Variants in IRAG1 observed in about 807,000 individuals in gnomAD.
IRAG1 encodes the protein inositol 1,4,5-triphosphate receptor associated 1, also known as IP3R-associated cGMP kinase substrate.
A neutral mutation model predicts 106.2 loss-of-function variants in IRAG1; 62 were observed. The observed-to-expected ratio is 0.58, with a 90% CI of 0.48 to 0.72. IRAG1 has a LOEUF of 0.72. IRAG1 is among the 30% of genes least tolerant of loss of function. IRAG1 has a pLI of 0.00. For missense variants in IRAG1, 1,064 were observed against 1,140.7 expected (o/e 0.93, Z 0.97); for synonymous variants, 462 against 443.9 (o/e 1.04, Z -0.51).
At chr11:10,609,551 C>A (rs1854767874) in intron 11 of IRAG1, among the ~76,000 whole-genome samples, 177 bp downstream of exon 11, 1 of 152,180 alleles carries the variant, frequency 6.6e-6, no homozygotes, top group African/African-American at 2.4e-5. Flanking sequence ...GTTGAAAACA[C>A]CCAGCCTGGC....
At chr11:10,606,290 A>ACAC (rs1368400291) in intron 12 of IRAG1, among the ~76,000 whole-genome samples, 1 of 152,218 alleles carries the variant, frequency 6.6e-6, no homozygotes, top group African/African-American at 2.4e-5. Flanking sequence ...GATTGCTGAC[A>ACAC]GCACAGCTTC....
At chr11:10,650,765 A>T (rs1858417287) in intron 2 of IRAG1, among the ~76,000 whole-genome samples, 1 of 152,182 alleles carries the variant, frequency 6.6e-6, no homozygotes, top group South Asian at 2.1e-4. Context: ...CTGAGGCTGA[A>T]GGGCTAGGGG....
chr11:10,575,150 G>C lies in IRAG1; in HGVS notation c.*1182C>G, dbSNP rs1053450785. The C allele has an allele frequency of 2.0e-5, 3 of 152,228 alleles. No individual in the cohort carries two copies. Among genetic ancestry groups the C allele is most frequent in the Admixed American group, 6.5e-5 (1 of 15,288 alleles). The allele number at this position is 152,228 out of a possible 1,614,324, so 9.4% of individuals were successfully genotyped here. On this transcript the variant is annotated 3_prime_UTR_variant, in exon 21 of 21. Transcript: ENST00000423302. ...ACTGATGAAGGCAGTGGCTGTAAAA[G>C]TGGGGAGAGAAGTCAAAATGGAGAG...
chr11:10,616,178 G>A (rs941063729), intron 10 of IRAG1, among the ~76,000 whole-genome samples: 2 of 151,108 alleles, frequency 1.3e-5, no homozygotes, highest in African/African-American at 2.4e-5. Flanking sequence ...GGTGGCGAGC[G>A]CCTGTAGTCC....
rs1850710351 is a variant in IRAG1 at position 10,574,129 on chromosome 11, T to TA, written c.*2202_*2203insT. 1 of 152,274 alleles carries TA rather than the reference T, an allele frequency of 6.6e-6. No homozygotes were observed. The allele number at this position is 152,274 out of a possible 1,614,324, so 9.4% of individuals were successfully genotyped here. On this transcript the variant is annotated 3_prime_UTR_variant, in exon 21 of 21. Coordinates refer to ENST00000423302, the MANE Select transcript of IRAG1 (RefSeq NM_130385.4). Reference sequence around the variant, plus strand: ...GGGGTGGGGGGTCTCTCTGAAGGAGTGACTGCATTGAGCCCAGTCCTTGAG... The same window carrying TA: ...GGGGTGGGGGGTCTCTCTGAAGGAGTAGACTGCATTGAGCCCAGTCCTTGAG...
intron 1 of IRAG1, chr11:10,658,433 G>C (rs895732120): frequency 2.0e-5 from 3 of 152,660 alleles, no homozygotes; most frequent in African/African-American, 7.2e-5. Context: ...GCAAGGTGCT[G>C]GTACATAGAG....
chr11:10,594,094 A>C, intron 16 of IRAG1, 52 bp downstream of exon 16: 1 of 1,510,478 alleles, frequency 6.6e-7, no homozygotes, highest in South Asian at 1.2e-5. Flanking sequence ...TGACCATGGA[A>C]ACTTCTGTCA....
At chr11:10,580,336 G>C in intron 20 of IRAG1, 119 bp downstream of exon 20, 1 of 1,494,510 alleles carries the variant, frequency 6.7e-7, no homozygotes, top group Admixed American at 2.3e-5. Flanking sequence ...GCTACTCACT[G>C]GGGCCCCAGA....
At chr11:10,601,409 G>A (rs16908024) in intron 14 of IRAG1, among the ~76,000 whole-genome samples, 1,933 of 152,334 alleles carry the variant, frequency 0.013, 39 homozygotes, top group African/African-American at 0.044. Flanking sequence ...GGGACACAGC[G>A]TTCAGGCCAG....
chr11:10,622,103 T>C (rs1228608286), intron 10 of IRAG1, among the ~76,000 whole-genome samples: 1 of 152,160 alleles, frequency 6.6e-6, no homozygotes, highest in African/African-American at 2.4e-5. Context: ...AATGGCAAGT[T>C]GAATGTTATA....
intron 1 of IRAG1, chr11:10,687,876 TGG>T: frequency 1.9e-5 from 18 of 963,888 alleles, no homozygotes; most frequent in Non-Finnish European, 2.1e-5. Flanking sequence ...TGCTTTTTTT[TGG>T]GGGGGGGTGG....
At position 10,684,602 on chromosome 11, in the gene IRAG1, T is replaced by TATAACAATAATA. The variant is rs377603657; in HGVS notation, c.67+8933_67+8934insTATTATTGTTAT. On this transcript the variant is annotated intron_variant, in intron 1 of 20. Transcript: ENST00000423302. ...TACACATGTACCCTAAAACTTAAAG[T>TATAACAATAATA]ATAATAATAATAATAATAATAATAA... Among the ~76,000 whole-genome samples, 151 of 138,948 alleles carry TATAACAATAATA rather than the reference T, an allele frequency of 1.1e-3. 1 individual carries two copies. The highest frequency in any genetic ancestry group is 3.7e-3 in the African/African-American group (139 of 37,818). 91.2% of individuals were successfully genotyped at this position (138,948 alleles called of 152,430 possible).
chr11:10,654,437 A>G (rs979801141), intron 1 of IRAG1, among the ~76,000 whole-genome samples: 4 of 152,254 alleles, frequency 2.6e-5, no homozygotes, highest in Non-Finnish European at 5.9e-5. Context: ...TGAACAAGTT[A>G]GCCCACACAG....
intron 2 of IRAG1, among the ~76,000 whole-genome samples, chr11:10,650,453 A>C (rs1235489023): frequency 1.3e-5 from 2 of 152,184 alleles, no homozygotes; most frequent in Non-Finnish European, 2.9e-5. Context: ...CCCAGGATTT[A>C]AGAGCTACAT....
intron 2 of IRAG1, among the ~76,000 whole-genome samples, chr11:10,643,208 T>G (rs974314892): frequency 6.8e-5 from 9 of 131,772 alleles, no homozygotes; most frequent in African/African-American, 2.6e-4. Context: ...AAGGACTCTC[T>G]GGGGACTTGA....
intron 15 of IRAG1, among the ~76,000 whole-genome samples, chr11:10,596,088 C>T (rs895206814): frequency 1.3e-5 from 2 of 152,094 alleles, no homozygotes; most frequent in Admixed American, 6.5e-5. Context: ...TTTCTTTATC[C>T]AATATGTCAT....
rs1187916487 is a variant in IRAG1, at chr11:10,657,617, GT to G, written c.68-5436del. On this transcript the variant is annotated intron_variant, in intron 1 of 20. Coordinates refer to ENST00000423302, the MANE Select transcript of IRAG1 (RefSeq NM_130385.4). The surrounding 1 kb of genome is among the most constrained non-coding windows in gnomAD (Gnocchi z 4.1). Reference sequence around the variant, plus strand: ...AGTGACTCAGTATTCTCAGAAGGGAGTTTTTTTGTTCTTCCAGCTTTGAATT... The same window carrying G: ...AGTGACTCAGTATTCTCAGAAGGGAGTTTTTTGTTCTTCCAGCTTTGAATT... Among the ~76,000 whole-genome samples the G allele has an allele frequency of 3.3e-5, 5 of 152,212 alleles. No individual in the cohort carries two copies. The East Asian group carries it at 7.7e-4, about 23-fold the overall frequency.
At chr11:10,619,717 C>T (rs887756044) in intron 10 of IRAG1, among the ~76,000 whole-genome samples, 5 of 152,132 alleles carry the variant, frequency 3.3e-5, no homozygotes, top group African/African-American at 1.2e-4. Context: ...GAAGTAGGTA[C>T]TGTTATTAAC....
At chr11:10,614,290 G>A (rs566456548) in intron 10 of IRAG1, among the ~76,000 whole-genome samples, 15 of 152,182 alleles carry the variant, frequency 9.9e-5, no homozygotes, top group Non-Finnish European at 1.3e-4. Context: ...GGGTCTCTGT[G>A]TCATACCATA....
Sources: allele counts gnomAD v4.1 joint callset (sites outside exome capture counted in the v4.1 genomes callset), GRCh38; gene constraint gnomAD v4.1.1; non-coding constraint Gnocchi (gnomAD v3.1); transcripts MANE v1.5; gene names NCBI Gene and HGNC (gene_info 2026-07-23, HGNC 2026-07-21).